The following KIF6 variants were observed in gnomAD, a reference collection of about 807,000 sequenced individuals.
KIF6 encodes the protein kinesin-like protein KIF6.
In KIF6, 106 loss-of-function variants were observed where a neutral mutation model predicts 112.7. The observed-to-expected ratio is 0.94, with a 90% CI of 0.80 to 1.11. The LOEUF (loss-of-function observed/expected upper bound fraction) is 1.11, where lower values mean the gene tolerates loss of function less well. Ranked by LOEUF, KIF6 falls within the 50% of genes least tolerant of loss-of-function variation. KIF6 has a pLI of 0.00. For synonymous variants in KIF6, 339 were observed against 339.9 expected (o/e 1.00, Z 0.03); for missense variants, 929 against 964.0 (o/e 0.96, Z 0.48).
At chr6:39,350,393 G>GT (rs1257612614) in intron 19 of KIF6, among the ~76,000 whole-genome samples, 1 of 152,156 alleles carries the variant, frequency 6.6e-6, no homozygotes, top group African/African-American at 2.4e-5. Context: ...ACAGGCCTGG[G>GT]TTTGAGTTCA....
chr6:39,594,758 C>T (rs1179009410), intron 7 of KIF6, among the ~76,000 whole-genome samples: 1 of 152,210 alleles, frequency 6.6e-6, no homozygotes, highest in Non-Finnish European at 1.5e-5. Context: ...AATCTTTTAG[C>T]TGCAACATTT....
chr6:39,713,905 T>G (rs1393426085), intron 3 of KIF6, among the ~76,000 whole-genome samples: 1 of 152,218 alleles, frequency 6.6e-6, no homozygotes, highest in African/African-American at 2.4e-5. Context: ...GGTGTACTGA[T>G]GAGCAGACTT....
At chr6:39,349,594 G>T (rs555834863) in intron 19 of KIF6, among the ~76,000 whole-genome samples, 3 of 148,940 alleles carry the variant, frequency 2.0e-5, no homozygotes, top group African/African-American at 7.4e-5. Context: ...AAAGGCACTT[G>T]CCATGGAGTG....
chr6:39,657,237 AAAAAAAG>A (rs1487052253), intron 3 of KIF6, among the ~76,000 whole-genome samples: 1 of 146,482 alleles, frequency 6.8e-6, no homozygotes, highest in Admixed American at 6.6e-5. Flanking sequence ...CCATCTCAAA[AAAAAAAG>A]AAAAAAGAAA....
intron 13 of KIF6, among the ~76,000 whole-genome samples, chr6:39,531,069 A>C (rs1323025612): frequency 1.3e-5 from 2 of 152,178 alleles, no homozygotes; most frequent in Non-Finnish European, 2.9e-5. Flanking sequence ...CCAAATGGTG[A>C]GATCATTATC....
At chr6:39,508,257 A>C (rs1776556696) in intron 13 of KIF6, among the ~76,000 whole-genome samples, 1 of 151,918 alleles carries the variant, frequency 6.6e-6, no homozygotes, top group African/African-American at 2.4e-5. Flanking sequence ...AGATGGCTGA[A>C]TAGAAATAGC....
chr6:39,435,430 T>C (rs1346559905), intron 13 of KIF6, among the ~76,000 whole-genome samples: 1 of 152,208 alleles, frequency 6.6e-6, no homozygotes, highest in African/African-American at 2.4e-5. Flanking sequence ...TTTGGTTACA[T>C]GGATGAATTG....
chr6:39,424,108 C>T (rs1469045153), intron 14 of KIF6, among the ~76,000 whole-genome samples: 2 of 152,198 alleles, frequency 1.3e-5, no homozygotes, highest in Non-Finnish European at 2.9e-5. Context: ...CTCTTCCATC[C>T]CCCACAACAT....
chr6:39,709,269 C>T (rs1320363406), intron 3 of KIF6, among the ~76,000 whole-genome samples: 3 of 152,214 alleles, frequency 2.0e-5, no homozygotes, highest in Admixed American at 2.0e-4. Flanking sequence ...TTGTGGAAGA[C>T]AATTTTTCCA....
At chr6:39,594,728 G>T (rs190565836) in intron 7 of KIF6, among the ~76,000 whole-genome samples, 205 of 152,234 alleles carry the variant, frequency 1.3e-3, no homozygotes, top group African/African-American at 4.7e-3. Context: ...TTAAAAAAAG[G>T]TTTTATTTTT....
intron 14 of KIF6, among the ~76,000 whole-genome samples, chr6:39,427,055 G>C (rs1015494493): frequency 1.3e-5 from 2 of 152,188 alleles, no homozygotes; most frequent in African/African-American, 4.8e-5. Context: ...AGAAGTCTGG[G>C]GTGAAATGGG....
intron 6 of KIF6, among the ~76,000 whole-genome samples, chr6:39,599,596 T>C (rs148353318): frequency 3.3e-5 from 5 of 152,344 alleles, no homozygotes; most frequent in Non-Finnish European, 7.3e-5. Context: ...TAACTGTGCA[T>C]GTAAAACCGC....
intron 15 of KIF6, among the ~76,000 whole-genome samples, chr6:39,410,383 G>A (rs1769398069): frequency 6.6e-6 from 1 of 152,236 alleles, no homozygotes; most frequent in South Asian, 2.1e-4. Flanking sequence ...AATAGGTGTT[G>A]AGAAAGTTGG....
intron 13 of KIF6, among the ~76,000 whole-genome samples, chr6:39,489,999 T>C (rs1775376055): frequency 6.6e-6 from 1 of 152,210 alleles, no homozygotes; most frequent in South Asian, 2.1e-4. Flanking sequence ...CTAAATTAAA[T>C]GGAAGTTAAA....
chr6:39,634,821 CT>C, intron 5 of KIF6, 27 bp downstream of exon 5: 1 of 1,250,484 alleles, frequency 8.0e-7, no homozygotes, highest in Non-Finnish European at 1.2e-6. Flanking sequence ...AGTAATTTCC[CT>C]CCATTCTTTG....
intron 10 of KIF6, among the ~76,000 whole-genome samples, chr6:39,568,671 C>T (rs1780461301): frequency 6.6e-6 from 1 of 152,106 alleles, no homozygotes; most frequent in East Asian, 1.9e-4. Context: ...CTGCCTCAGC[C>T]TCCTGAGTAG....
intron 22 of KIF6, among the ~76,000 whole-genome samples, chr6:39,337,316 T>C (rs1021119836): frequency 5.5e-5 from 8 of 145,898 alleles, no homozygotes; most frequent in Admixed American, 2.1e-4. Flanking sequence ...TCTTTCTTTT[T>C]CTTTCTTTTC....
At chr6:39,376,397 C>G (rs1263863870) in intron 16 of KIF6, among the ~76,000 whole-genome samples, 2 of 152,194 alleles carry the variant, frequency 1.3e-5, no homozygotes, top group African/African-American at 2.4e-5. Flanking sequence ...AGAGATTCAT[C>G]TGTTCATTCA....
chr6:39,439,855 G>A (rs1048124118), intron 13 of KIF6, among the ~76,000 whole-genome samples: 15 of 152,120 alleles, frequency 9.9e-5, no homozygotes, highest in African/African-American at 3.1e-4. Context: ...TTGCCTTTGG[G>A]CCTGCGGTCT....
Sources: gnomAD v4.1 joint callset for allele counts (sites outside exome capture counted in the v4.1 genomes callset) on GRCh38, gnomAD v4.1.1 for gene constraint, MANE v1.5 for transcripts, NCBI Gene and HGNC (gene_info 2026-07-23, HGNC 2026-07-21) for gene names.